Variants in TTC7A observed in about 807,000 individuals in gnomAD.
TTC7A encodes tetratricopeptide repeat protein 7A.
In TTC7A, 110 loss-of-function variants were observed where a neutral mutation model predicts 103.7. The ratio of observed to expected loss-of-function variants is 1.06; its 90% confidence interval spans 0.91 to 1.24. The LOEUF (loss-of-function observed/expected upper bound fraction) is 1.24, where lower values mean the gene tolerates loss of function less well. Among genes scored for constraint, TTC7A ranks in the 50% most tolerant of loss-of-function variants. TTC7A has a pLI of 0.00. For synonymous variants in TTC7A, 521 were observed against 467.9 expected, an observed-to-expected ratio of 1.11 and a Z score of -1.47; for missense variants, 1,340 against 1,116.3, an observed-to-expected ratio of 1.20 and a Z score of -2.86.
intron 16 of TTC7A, 152 bp from the exon 17 acceptor site, chr2:47,049,797 C>G: frequency 1.6e-6 from 1 of 630,116 alleles, no homozygotes; most frequent in Non-Finnish European, 2.8e-6. Context: ...TCAGCTCTGT[C>G]TTTGGGCCTG....
At chr2:46,962,768 T>G (rs1027290431) in intron 3 of TTC7A, among the ~76,000 whole-genome samples, 1 of 152,228 alleles carries the variant, frequency 6.6e-6, no homozygotes, top group African/African-American at 2.4e-5. Flanking sequence ...AAAAGGCCAT[T>G]TGTGAAGAGT....
At chr2:47,023,343 T>G (rs899688147) in intron 12 of TTC7A, 65 bp from the exon 13 acceptor site, 4 of 1,560,192 alleles carry the variant, frequency 2.6e-6, no homozygotes, top group Admixed American at 3.4e-5. Context: ...TTGAGGATGG[T>G]GCAGGGCTGG....
intron 19 of TTC7A, chr2:47,065,924 T>C (rs1249419179): frequency 6.6e-6 from 1 of 151,808 alleles, no homozygotes. Flanking sequence ...AGAGGAGGAG[T>C]TTCCTGGTCC....
At chr2:46,916,118 G>T, upstream of TTC7A, 1 of 985,592 alleles carries the variant, frequency 1.0e-6, no homozygotes, top group Non-Finnish European at 1.2e-6. Context: ...GATCCGGATG[G>T]GGCGGACCCC....
intron 18 of TTC7A, among the ~76,000 whole-genome samples, chr2:47,054,935 A>T (rs895064814): frequency 4.6e-5 from 7 of 152,072 alleles, no homozygotes; most frequent in Non-Finnish European, 1.0e-4. Flanking sequence ...GGAACATGAG[A>T]AGGTGTCCTA....
Position 46,934,624 on chromosome 2 carries a change from T to A in TTC7A, c.83-15739T>A, listed in dbSNP as rs143323969. On this transcript the variant is annotated intron_variant, in intron 2 of 20. Coordinates refer to the TTC7A transcript ENST00000409245. ...AACTGCTTTTTATTCTCTAAAACACTTTAAAAACCCTCCCCTCATAGGTTG... is the reference window on the plus strand; with the variant it reads ...AACTGCTTTTTATTCTCTAAAACACATTAAAAACCCTCCCCTCATAGGTTG... Among the ~76,000 whole-genome samples the A allele has an allele frequency of 2.6e-3, 396 of 151,908 alleles. 2 individuals are homozygous for A. The highest frequency in any genetic ancestry group is 0.01 in the Middle Eastern group (3 of 294).
At chr2:46,926,801 C>G (rs373533799) in intron 2 of TTC7A, among the ~76,000 whole-genome samples, 3 of 152,214 alleles carry the variant, frequency 2.0e-5, no homozygotes, top group Non-Finnish European at 4.4e-5. Context: ...CAACGGACCT[C>G]CACAGCTTGA....
In TTC7A at chr2:47,074,082, C is replaced by T; in HGVS notation, c.*159C>T. On this transcript the variant is annotated 3_prime_UTR_variant, in exon 20 of 20. Transcript: ENST00000319190. ...TGCAGCCCTCGTTCTCTTGGCTGGG[C>T]CAAGAGGGCCTTCCTGGATTTCTTT... The T allele has an allele frequency of 1.6e-6, 1 of 617,038 alleles. No individual in the cohort carries two copies. The highest frequency in any genetic ancestry group is 2.8e-6 in the Non-Finnish European group (1 of 352,502). The allele number at this position is 617,038 out of a possible 1,614,324, so 38.2% of individuals were successfully genotyped here.
intron 5 of TTC7A, among the ~76,000 whole-genome samples, chr2:46,982,597 C>T (rs1215152304): frequency 2.0e-5 from 3 of 152,172 alleles, no homozygotes; most frequent in South Asian, 2.1e-4. Flanking sequence ...TGGTAAGGAC[C>T]GTGCCTGCCT....
chr2:47,023,277 T>C, intron 12 of TTC7A, 131 bp from the exon 13 acceptor site: 1 of 899,402 alleles, frequency 1.1e-6, no homozygotes, highest in East Asian at 2.6e-5. Context: ...GCTGCTGGAG[T>C]TTGAAGTTTG....
rs1677536053 is a variant in TTC7A, at chr2:47,007,424, T to C, written c.1287+700T>C. 6.6e-6 allele frequency among the ~76,000 whole-genome samples: 1 copy of C among 152,080 alleles called. No individual in the cohort carries two copies. The highest frequency in any genetic ancestry group is 1.5e-5 in the Non-Finnish European group (1 of 67,994). On this transcript the variant is annotated intron_variant, in intron 10 of 19. Coordinates refer to ENST00000319190, the MANE Select transcript of TTC7A (RefSeq NM_020458.4). This position sits in a 1 kb window ranked among gnomAD's most constrained non-coding sequence, Gnocchi z 4.9. ...CCTTTCTGGAGCTGAGTTCTGAGGG[T>C]GTTGGGGCTGAGGATGCTATGAATG...
Position 46,975,011 on chromosome 2 carries a change from C to G in TTC7A, c.556C>G (p.Arg186Gly). The part of the protein sequence containing the change: ...LERLPNSIAS[R>G]FRLTEREEEV... ...ACGCCTACCCAACTCCATCGCCTCC[C>G]GCTTCCGCCTGACAGAGAGGGAGGA... The change falls in exon 4 of 20, where the codon CGC becomes GGC. Residue 186 changes from arginine (R) to glycine (G), a missense_variant. Transcript: ENST00000319190. The G allele has an allele frequency of 6.2e-7, 1 of 1,614,042 alleles. No homozygotes were observed. The highest frequency in any genetic ancestry group is 8.5e-7 in the Non-Finnish European group (1 of 1,179,938).
chr2:46,960,583 A>T (rs1364887117), intron 3 of TTC7A, among the ~76,000 whole-genome samples: 1 of 152,176 alleles, frequency 6.6e-6, no homozygotes, highest in African/African-American at 2.4e-5. Flanking sequence ...ACACCTTACA[A>T]CTTTCCCAGG....
At chr2:47,067,184 GA>G (rs1684247448) in intron 19 of TTC7A, among the ~76,000 whole-genome samples, 1 of 152,196 alleles carries the variant, frequency 6.6e-6, no homozygotes, top group Non-Finnish European at 1.5e-5. Context: ...AATTTTGGGG[GA>G]CACATTCAAT....
At chr2:46,992,264 G>A (rs1384325110) in intron 5 of TTC7A, among the ~76,000 whole-genome samples, 3 of 152,240 alleles carry the variant, frequency 2.0e-5, no homozygotes, top group African/African-American at 7.2e-5. Flanking sequence ...GGAGCGATGC[G>A]CCTGGCCCTC....
At chr2:46,937,904 G>A (rs1475670561), upstream of TTC7A, among the ~76,000 whole-genome samples, 1 of 152,046 alleles carries the variant, frequency 6.6e-6, no homozygotes, top group Non-Finnish European at 1.5e-5. This position sits in a 1 kb window ranked among gnomAD's most constrained non-coding sequence, Gnocchi z 4.0. Context: ...AGCAGGTCAT[G>A]GACTGAAGAA....
intron 5 of TTC7A, among the ~76,000 whole-genome samples, chr2:46,979,934 G>T (rs1036583764): frequency 2.0e-5 from 3 of 152,164 alleles, no homozygotes; most frequent in Admixed American, 1.3e-4. Context: ...GCGTAGTCAC[G>T]CCCTGCCTCA....
chr2:46,944,381 T>TTTTTG (rs1670741111), intron 1 of TTC7A, among the ~76,000 whole-genome samples: 1 of 145,904 alleles, frequency 6.9e-6, no homozygotes, highest in African/African-American at 2.6e-5. Flanking sequence ...TGGGTTTTTT[T>TTTTTG]TTTTTTTTTT....
chr2:47,001,605 C>T (rs529327627), intron 8 of TTC7A, among the ~76,000 whole-genome samples: 34 of 152,182 alleles, frequency 2.2e-4, no homozygotes, highest in South Asian at 1.0e-3. Context: ...GCCTGTAATC[C>T]CAGCACTTTG....
Sources: gnomAD v4.1 joint callset for allele counts (sites outside exome capture counted in the v4.1 genomes callset) on GRCh38, gnomAD v4.1.1 for gene constraint, Gnocchi (gnomAD v3.1) non-coding constraint, MANE v1.5 for transcripts, NCBI Gene and HGNC (gene_info 2026-07-23, HGNC 2026-07-21) for gene names.